Variants in ANO3 observed in about 807,000 individuals in gnomAD.
The protein encoded by ANO3 is anoctamin-3.
A neutral mutation model predicts 144.8 loss-of-function variants in ANO3; 99 were observed. The ratio of observed to expected loss-of-function variants is 0.68; its 90% CI spans 0.58 to 0.81. The LOEUF is 0.81. ANO3 is among the 30% of genes least tolerant of loss of function. ANO3 has a pLI of 0.00. For synonymous variants in ANO3, 414 were observed against 392.6 expected, an observed-to-expected ratio of 1.05 and a Z score of -0.64; for missense variants, 905 against 1,202.2, an observed-to-expected ratio of 0.75 and a Z score of 3.66.
intron 17 of ANO3, among the ~76,000 whole-genome samples, chr11:26,619,799 A>G (rs1852364427): frequency 6.6e-6 from 1 of 152,156 alleles, no homozygotes; most frequent in Non-Finnish European, 1.5e-5. Context: ...CCTGTTCAGA[A>G]TCTCCTTTGT....
At chr11:26,473,895 T>A in intron 4 of ANO3, 10 of 946,408 alleles carry the variant, frequency 1.1e-5, no homozygotes, top group Non-Finnish European at 1.3e-5. Context: ...GAGTTATCTT[T>A]AAAAAAAAAT....
Position 26,458,692 on chromosome 11 carries a change from A to C in ANO3, c.314-4338A>C, listed in dbSNP as rs149385792. ...TAAGCATACCATTCATTTATTAGTT[A>C]ATTTAACAATTACTAAGAGATTACA... On this transcript the variant is annotated intron_variant, in intron 3 of 26. Coordinates refer to ENST00000256737, the MANE Select transcript of ANO3 (RefSeq NM_031418.4). Among the ~76,000 whole-genome samples the C allele has an allele frequency of 3.8e-3, 578 of 152,272 alleles. 1 individual carries two copies. The highest frequency in any genetic ancestry group is 0.014 in the Middle Eastern group (4 of 294).
intron 6 of ANO3, among the ~76,000 whole-genome samples, chr11:26,524,279 G>T (rs1049603435): frequency 6.6e-6 from 1 of 152,106 alleles, no homozygotes; most frequent in Non-Finnish European, 1.5e-5. Context: ...TGTGAGTTTC[G>T]GATAGATATA....
intron 9 of ANO3, among the ~76,000 whole-genome samples, chr11:26,536,174 C>A (rs1023965605): frequency 6.6e-6 from 1 of 151,646 alleles, no homozygotes; most frequent in Non-Finnish European, 1.5e-5. Context: ...CAAAAATTAG[C>A]CAGGCACAAT....
intron 14 of ANO3, among the ~76,000 whole-genome samples, chr11:26,576,319 T>C (rs1850985106): frequency 6.6e-6 from 1 of 152,160 alleles, no homozygotes; most frequent in Non-Finnish European, 1.5e-5. Context: ...GATAAAATAA[T>C]TGTGTGTTAC....
chr11:26,622,727 C>T lies in ANO3; in HGVS notation c.1837-1735C>T, dbSNP rs565463438. Among the ~76,000 whole-genome samples, 6 of 152,318 alleles carry T rather than the reference C, an allele frequency of 3.9e-5. No individual in the cohort carries two copies. In the East Asian group the frequency reaches 5.8e-4, roughly 15 times the overall value. On this transcript the variant is annotated intron_variant, in intron 17 of 26. Coordinates refer to ENST00000256737, the MANE Select transcript of ANO3 (RefSeq NM_031418.4). ...CTTGCTCAGTCGTGTTGTCTCACTA[C>T]TAAGGTGCCTGACATTCCACAACTT...
At chr11:26,402,482 T>C (rs1215799219) in intron 1 of ANO3, among the ~76,000 whole-genome samples, 4 of 151,476 alleles carry the variant, frequency 2.6e-5, no homozygotes, top group Non-Finnish European at 5.9e-5. Context: ...ACACTTGAAA[T>C]TTTTTTTTCT....
At chr11:26,369,492 T>C (rs1039485607) in intron 1 of ANO3, among the ~76,000 whole-genome samples, 5 of 152,146 alleles carry the variant, frequency 3.3e-5, no homozygotes, top group South Asian at 2.1e-4. Context: ...CTAAGAGGTA[T>C]TATATAAAGC....
chr11:26,317,415 G>GA (rs971764437), intron 1 of ANO3, among the ~76,000 whole-genome samples: 99 of 145,698 alleles, frequency 6.8e-4, no homozygotes, highest in Admixed American at 1.9e-3. Flanking sequence ...AAATTTACAA[G>GA]AAAAAAAAAA....
chr11:26,432,995 A>C (rs749774361), intron 1 of ANO3, among the ~76,000 whole-genome samples: 6 of 152,138 alleles, frequency 3.9e-5, no homozygotes, highest in Non-Finnish European at 8.8e-5. Flanking sequence ...TTTGTGAAGT[A>C]TGGCCATTTC....
At chr11:26,261,996 A>G (rs1178301619) in intron 1 of ANO3, among the ~76,000 whole-genome samples, 1 of 152,146 alleles carries the variant, frequency 6.6e-6, no homozygotes, top group African/African-American at 2.4e-5. Context: ...TTTAAGTAAA[A>G]TGTTCAAATG....
At chr11:26,325,307 C>G (rs933876773) in intron 1 of ANO3, among the ~76,000 whole-genome samples, 3 of 151,994 alleles carry the variant, frequency 2.0e-5, no homozygotes, top group Admixed American at 1.3e-4. Context: ...CACATAGATT[C>G]CAGTGTATAT....
chr11:26,486,360 C>CAAAAA (rs10681114), intron 4 of ANO3, among the ~76,000 whole-genome samples: 2,330 of 74,166 alleles, frequency 0.031, 64 homozygotes, highest in Admixed American at 0.067. Flanking sequence ...GACTCTGTCT[C>CAAAAA]AAAAAAAAAA....
At chr11:26,407,557 G>T (rs1357702636) in intron 1 of ANO3, among the ~76,000 whole-genome samples, 1 of 151,682 alleles carries the variant, frequency 6.6e-6, no homozygotes, top group Non-Finnish European at 1.5e-5. Context: ...ACAGTTTCAG[G>T]CCATCATCTG....
At chr11:26,404,463 T>G (rs1267566257) in intron 1 of ANO3, among the ~76,000 whole-genome samples, 3 of 151,808 alleles carry the variant, frequency 2.0e-5, no homozygotes, top group Admixed American at 2.0e-4. Context: ...CCTCCTTTCT[T>G]TATATTTGAT....
intron 1 of ANO3, among the ~76,000 whole-genome samples, chr11:26,424,481 TAGGGCCC>T (rs1452540294): frequency 6.6e-6 from 1 of 152,076 alleles, no homozygotes; most frequent in African/African-American, 2.4e-5. Flanking sequence ...GCCTTCAGCC[TAGGGCCC>T]AGGGTATGCT....
At chr11:26,244,661 C>T (rs1167777575) in intron 1 of ANO3, among the ~76,000 whole-genome samples, 1 of 152,160 alleles carries the variant, frequency 6.6e-6, no homozygotes, top group African/African-American at 2.4e-5. Context: ...CAAAATGCAT[C>T]ACTAGTTAAC....
intron 5 of ANO3, 42 bp downstream of exon 5, chr11:26,508,304 G>C: frequency 6.5e-7 from 1 of 1,528,560 alleles, no homozygotes; most frequent in South Asian, 1.3e-5. Flanking sequence ...AAAATGTGTT[G>C]GAACAGATAT....
intron 1 of ANO3, among the ~76,000 whole-genome samples, chr11:26,246,601 T>G (rs1449113183): frequency 6.7e-6 from 1 of 149,786 alleles, no homozygotes; most frequent in Non-Finnish European, 1.5e-5. Flanking sequence ...ACCTTATTTT[T>G]AAGAGTTCTT....
Sources: gnomAD v4.1 joint callset for allele counts (sites outside exome capture counted in the v4.1 genomes callset) on GRCh38, gnomAD v4.1.1 for gene constraint, MANE v1.5 for transcripts, NCBI Gene and HGNC (gene_info 2026-07-23, HGNC 2026-07-21) for gene names.